Variants in PPP3CA observed in about 807,000 individuals in gnomAD.
PPP3CA encodes protein phosphatase 3 catalytic subunit alpha, also known as CAM-PRP catalytic subunit.
PPP3CA carries 14 observed loss-of-function variants against 66.5 expected under a neutral mutation model. The observed-to-expected ratio is 0.21, with a 90% CI of 0.14 to 0.33. PPP3CA has a LOEUF of 0.33. PPP3CA is among the 10% of genes least tolerant of loss of function. The pLI is 1.00. For synonymous variants in PPP3CA, 232 were observed against 226.2 expected (o/e 1.03, Z -0.23); for missense variants, 317 against 639.5 (o/e 0.50, Z 5.44).
At position 101,023,721 on chromosome 4, in the gene PPP3CA, T is replaced by C; in HGVS notation, c.*2144A>G. The C allele has an allele frequency of 6.6e-6, 1 of 152,650 alleles. No homozygotes were observed. Among genetic ancestry groups the C allele is most frequent in the East Asian group, 1.9e-4 (1 of 5,200 alleles). The allele number at this position is 152,650 out of a possible 1,614,324, so 9.5% of individuals were successfully genotyped here. A position where few individuals can be genotyped will look rare whatever the true frequency, so the allele number is the denominator to read the frequency against. The stretch of plus-strand genomic sequence containing the variant: ...CCTTGGGATAGTCTTTGCCAGACTG[T>C]ATCGAGAACATCTTTGTTTGGGTAT... On this transcript the variant is annotated 3_prime_UTR_variant, in exon 14 of 14. Transcript: ENST00000394854.
At chr4:101,137,326 T>C (rs1437919235) in intron 2 of PPP3CA, among the ~76,000 whole-genome samples, 5 of 152,106 alleles carry the variant, frequency 3.3e-5, no homozygotes, top group African/African-American at 1.2e-4. Flanking sequence ...GGGGGAGTAG[T>C]AGGGAATCTG....
chr4:101,288,486 T>C (rs1727912659), intron 1 of PPP3CA, among the ~76,000 whole-genome samples: 1 of 149,658 alleles, frequency 6.7e-6, no homozygotes, highest in South Asian at 2.1e-4. Context: ...TTCAAACAAA[T>C]TAACAGATTA....
rs1726599875 is a variant in PPP3CA, at chr4:101,025,657, T to G, written c.*208A>C. 2.2e-6 allele frequency: 1 copy of G among 462,804 alleles called. No individual in the cohort carries two copies. Among genetic ancestry groups the G allele is most frequent in the Non-Finnish European group, 3.7e-6 (1 of 267,078 alleles). 28.7% of individuals were successfully genotyped at this position (462,804 alleles called of 1,614,324 possible). ...AAAAGGCATACCCAAAAGAGGTGTTTAATCACCATCCCCACCAAAATATAG... is the reference window on the plus strand; with the variant it reads ...AAAAGGCATACCCAAAAGAGGTGTTGAATCACCATCCCCACCAAAATATAG... On this transcript the variant is annotated 3_prime_UTR_variant, in exon 14 of 14. Coordinates refer to ENST00000394854, the MANE Select transcript of PPP3CA (RefSeq NM_000944.5).
intron 2 of PPP3CA, among the ~76,000 whole-genome samples, chr4:101,159,036 T>C (rs780907564): frequency 1.3e-5 from 2 of 152,172 alleles, no homozygotes; most frequent in Non-Finnish European, 2.9e-5. Flanking sequence ...GCTAATTTAA[T>C]CCTCACAGTT....
intron 3 of PPP3CA, among the ~76,000 whole-genome samples, chr4:101,100,518 G>A (rs1019992248): frequency 5.0e-4 from 76 of 152,058 alleles, no homozygotes; most frequent in Admixed American, 9.2e-4. Context: ...GGTCAATTAT[G>A]CATTCACCAA....
rs17030883 is a variant in PPP3CA, at chr4:101,176,662, T to C, written c.259+19254A>G. 8.2e-3 allele frequency among the ~76,000 whole-genome samples: 1,249 copies of C among 152,260 alleles called. 17 individuals carry two copies. The highest frequency in any genetic ancestry group is 0.029 in the African/African-American group (1,200 of 41,558). Reference sequence around the variant, plus strand: ...AAGAATTTAGCAACAGAGATTTGTATGACCAATTATCAGACATATGGGGCA... The same window carrying C: ...AAGAATTTAGCAACAGAGATTTGTACGACCAATTATCAGACATATGGGGCA... On this transcript the variant is annotated intron_variant, in intron 2 of 13. Transcript: ENST00000394854.
rs1477709040 is a variant in PPP3CA at position 101,038,371 on chromosome 4, T to G, written c.1241+2111A>C. ...GTAGTTATTTAGCACACACTTTTTTTTTCTTTTTTTTTTTTTGAGATGGAG... is the reference window on the plus strand; with the variant it reads ...GTAGTTATTTAGCACACACTTTTTTGTTCTTTTTTTTTTTTTGAGATGGAG... On this transcript the variant is annotated intron_variant, in intron 11 of 13. Coordinates refer to ENST00000394854, the MANE Select transcript of PPP3CA (RefSeq NM_000944.5). 3.3e-5 allele frequency among the ~76,000 whole-genome samples: 5 copies of G among 150,620 alleles called. No individual in the cohort carries two copies. In the East Asian group the frequency reaches 9.7e-4, roughly 29 times the overall value.
At chr4:101,070,743 T>C (rs1042322541) in intron 8 of PPP3CA, among the ~76,000 whole-genome samples, 3 of 152,194 alleles carry the variant, frequency 2.0e-5, no homozygotes, top group African/African-American at 4.8e-5. Context: ...TTAAATAGTT[T>C]GCCATTTTAT....
intron 1 of PPP3CA, among the ~76,000 whole-genome samples, chr4:101,287,510 T>C (rs1727882209): frequency 6.6e-6 from 1 of 152,160 alleles, no homozygotes. Flanking sequence ...GGCAACATGT[T>C]AATTTCCTTA....
At chr4:101,130,672 T>C (rs894248638) in intron 2 of PPP3CA, among the ~76,000 whole-genome samples, 2 of 152,182 alleles carry the variant, frequency 1.3e-5, no homozygotes, top group African/African-American at 4.8e-5. Flanking sequence ...AATAAAATCC[T>C]TTATAGACAA....
intron 1 of PPP3CA, among the ~76,000 whole-genome samples, chr4:101,291,513 T>C (rs1424831990): frequency 6.6e-6 from 1 of 152,220 alleles, no homozygotes; most frequent in Non-Finnish European, 1.5e-5. Context: ...TCCACATCCA[T>C]ATCTCCATTG....
chr4:101,039,938 ATT>A (rs1278803864), intron 11 of PPP3CA, among the ~76,000 whole-genome samples: 4 of 146,022 alleles, frequency 2.7e-5, no homozygotes, highest in Admixed American at 2.1e-4. Context: ...TCAAGAAAAT[ATT>A]TGTTTTCTAA....
intron 1 of PPP3CA, among the ~76,000 whole-genome samples, chr4:101,300,640 A>G (rs1209321225): frequency 6.6e-6 from 1 of 152,118 alleles, no homozygotes; most frequent in Non-Finnish European, 1.5e-5. Flanking sequence ...ACTAAAAAAT[A>G]GAAAAAAATA....
chr4:101,100,355 C>T (rs1225607799), intron 3 of PPP3CA, among the ~76,000 whole-genome samples: 1 of 151,944 alleles, frequency 6.6e-6, no homozygotes, highest in African/African-American at 2.4e-5. Context: ...TTTCTGTTAC[C>T]TGATTTTTAA....
At chr4:101,193,033 T>A (rs1441340618) in intron 2 of PPP3CA, among the ~76,000 whole-genome samples, 1 of 152,230 alleles carries the variant, frequency 6.6e-6, no homozygotes, top group Non-Finnish European at 1.5e-5. Context: ...GGTTTTAAAT[T>A]AGCTATATCC....
At chr4:101,329,022 T>C (rs540800030) in intron 1 of PPP3CA, among the ~76,000 whole-genome samples, 3 of 145,370 alleles carry the variant, frequency 2.1e-5, no homozygotes, top group African/African-American at 8.6e-5. Context: ...AAGTGAAAAG[T>C]TGCACATGTT....
In PPP3CA at chr4:101,032,467, C is replaced by CTCTA. The variant is rs554843608; in HGVS notation, c.1242-107_1242-104dup. The CTCTA allele has an allele frequency of 7.3e-5, 68 of 925,266 alleles. 1 individual carries two copies. Among genetic ancestry groups the CTCTA allele is most frequent in the South Asian group, 4.4e-4 (30 of 68,958 alleles). The allele number at this position is 925,266 out of a possible 1,614,324, so 57.3% of individuals were successfully genotyped here. On this transcript the variant is annotated intron_variant, in intron 11 of 13. Coordinates refer to ENST00000394854, the MANE Select transcript of PPP3CA (RefSeq NM_000944.5). ...AATGCATATAAGCACCCACATTTCC[C>CTCTA]TCTATCTTGGCTCTCCGGATCTTTT...
At chr4:101,064,826 T>C (rs574204742) in intron 8 of PPP3CA, among the ~76,000 whole-genome samples, 14 of 152,160 alleles carry the variant, frequency 9.2e-5, no homozygotes, top group African/African-American at 2.2e-4. Flanking sequence ...GGGGAGAATA[T>C]ATCATTTTCT....
chr4:101,074,001 A>G (rs184885562), intron 8 of PPP3CA, among the ~76,000 whole-genome samples: 30 of 152,328 alleles, frequency 2.0e-4, no homozygotes, highest in Admixed American at 1.8e-3. Flanking sequence ...ATGCTGGGAA[A>G]ACTGTTGTTA....
Sources: gnomAD v4.1 joint callset for allele counts (sites outside exome capture counted in the v4.1 genomes callset) on GRCh38, gnomAD v4.1.1 for gene constraint, MANE v1.5 for transcripts, NCBI Gene and HGNC (gene_info 2026-07-23, HGNC 2026-07-21) for gene names.